Variants in TECRL observed in about 807,000 individuals in gnomAD.
TECRL encodes trans-2,3-enoyl-CoA reductase like.
In TECRL, 63 loss-of-function variants were observed where a neutral mutation model predicts 52.8. That is an observed-to-expected ratio of 1.19 (90% CI 0.97 to 1.47). The LOEUF (loss-of-function observed/expected upper bound fraction) is 1.47. Among genes scored for constraint, TECRL ranks in the 40% most tolerant of loss-of-function variants. The pLI is 0.00. For missense variants in TECRL, 482 were observed against 429.6 expected (o/e 1.12, Z -1.08); for synonymous variants, 164 against 141.9 (o/e 1.16, Z -1.10).
intron 1 of TECRL, among the ~76,000 whole-genome samples, chr4:64,396,448 C>T (rs1048419000): frequency 4.0e-5 from 6 of 151,622 alleles, no homozygotes; most frequent in Non-Finnish European, 8.8e-5. Flanking sequence ...TTTTCATATT[C>T]TTGTTGGTTA....
At chr4:64,384,530 G>A (rs1040161824) in intron 1 of TECRL, among the ~76,000 whole-genome samples, 3 of 152,146 alleles carry the variant, frequency 2.0e-5, no homozygotes, top group Admixed American at 6.5e-5. Context: ...ACTAGACAAT[G>A]TGTGCAGTCA....
At chr4:64,313,124 G>A (rs1033893562) in intron 5 of TECRL, among the ~76,000 whole-genome samples, 1 of 152,164 alleles carries the variant, frequency 6.6e-6, no homozygotes, top group Non-Finnish European at 1.5e-5. Flanking sequence ...ATCAGGACAA[G>A]AAAGGAGGTC....
chr4:64,366,632 A>C (rs1280420423), intron 2 of TECRL, among the ~76,000 whole-genome samples: 1 of 152,142 alleles, frequency 6.6e-6, no homozygotes. Context: ...AAGATGATAC[A>C]CATGCATATG....
intron 8 of TECRL, 105 bp downstream of exon 8, chr4:64,299,869 A>T: frequency 2.3e-6 from 1 of 441,776 alleles, no homozygotes; most frequent in Non-Finnish European, 4.0e-6. Flanking sequence ...ATATTATATA[A>T]ATATATATCA....
At chr4:64,344,485 G>C (rs917013399) in intron 2 of TECRL, among the ~76,000 whole-genome samples, 2 of 152,124 alleles carry the variant, frequency 1.3e-5, no homozygotes, top group Non-Finnish European at 2.9e-5. Flanking sequence ...AGCATCTGGA[G>C]TTATTTGCAT....
At chr4:64,371,361 A>T (rs1378892915) in intron 2 of TECRL, among the ~76,000 whole-genome samples, 3 of 150,972 alleles carry the variant, frequency 2.0e-5, no homozygotes, top group Admixed American at 6.6e-5. Context: ...ACATTTAATC[A>T]AAACCAAATA....
chr4:64,376,623 G>A (rs1437640139), intron 1 of TECRL, among the ~76,000 whole-genome samples: 2 of 152,006 alleles, frequency 1.3e-5, no homozygotes, highest in Middle Eastern at 3.4e-3. Flanking sequence ...CTCTGACAGA[G>A]TGGAGTAAAG....
At chr4:64,337,658 G>A (rs1719209900) in intron 2 of TECRL, among the ~76,000 whole-genome samples, 1 of 152,088 alleles carries the variant, frequency 6.6e-6, no homozygotes, top group Non-Finnish European at 1.5e-5. Flanking sequence ...GCCAAATCAT[G>A]AGTGAACTCC....
chr4:64,373,496 C>G (rs183665898), intron 2 of TECRL, among the ~76,000 whole-genome samples: 1 of 151,652 alleles, frequency 6.6e-6, no homozygotes, highest in African/African-American at 2.4e-5. Context: ...ATAGAAAACG[C>G]GTTCCTTTAA....
chr4:64,317,410 A>C (rs1315532103), intron 4 of TECRL, among the ~76,000 whole-genome samples: 1 of 152,234 alleles, frequency 6.6e-6, no homozygotes, highest in Non-Finnish European at 1.5e-5. Flanking sequence ...TCTTGAAAAA[A>C]AAAAATGAGT....
At chr4:64,360,188 A>G (rs912373289) in intron 2 of TECRL, among the ~76,000 whole-genome samples, 5 of 152,158 alleles carry the variant, frequency 3.3e-5, no homozygotes, top group Admixed American at 2.0e-4. Context: ...GTATTATCTC[A>G]GTATGTTTGC....
Position 64,409,169 on chromosome 4 carries a change from C to A in TECRL, c.183G>T (p.Glu61Asp), listed in dbSNP as rs765496405. 6 of 1,613,580 alleles carry A rather than the reference C, an allele frequency of 3.7e-6. No homozygotes were observed. The highest frequency in any genetic ancestry group is 3.3e-4 in the Middle Eastern group (2 of 5,980). ...AVKHSKTTHF[E>D]IEIFDAQTRK... ...TTGTTTGAGCATCAAATATTTCAAT[C>A]TCAAAGTGAGTCGTTTTTGAATGTT... The change falls in exon 1 of 12, where the codon GAG becomes GAT. Residue 61 changes from glutamate to aspartate, a missense_variant. Physicochemically the swap from Glu to Asp is conservative, Grantham distance 45 (BLOSUM62 2). Coordinates refer to ENST00000381210, the MANE Select transcript of TECRL (RefSeq NM_001010874.5).
In TECRL at chr4:64,343,171, C is replaced by G. The variant is rs577519694; in HGVS notation, c.287-14615G>C. Among the ~76,000 whole-genome samples, 372 of 152,120 alleles carry G rather than the reference C, an allele frequency of 2.4e-3. 3 individuals are homozygous for G. Among genetic ancestry groups the G allele is most frequent in the Non-Finnish European group, 3.1e-3 (213 of 67,926 alleles). ...TTAACAAAGATAAAGGGAAATTAGA[C>G]AAAATACATTTCTAAGACAGAGCAC... is the stretch of plus-strand genomic sequence containing the variant. On this transcript the variant is annotated intron_variant, in intron 2 of 11. Coordinates refer to ENST00000381210, the MANE Select transcript of TECRL (RefSeq NM_001010874.5).
chr4:64,312,630 G>A (rs1279767010), intron 5 of TECRL, among the ~76,000 whole-genome samples: 1 of 151,966 alleles, frequency 6.6e-6, no homozygotes, highest in African/African-American at 2.4e-5. Flanking sequence ...TGGTTGTGAT[G>A]GTGTGTACAC....
At chr4:64,280,346 C>A in intron 11 of TECRL, 147 bp from the exon 12 acceptor site, 2 of 585,398 alleles carry the variant, frequency 3.4e-6, no homozygotes, top group Non-Finnish European at 5.1e-6. Flanking sequence ...ATACCCATTC[C>A]CAAGCAATAG....
intron 1 of TECRL, among the ~76,000 whole-genome samples, chr4:64,393,511 T>C (rs1723698564): frequency 1.3e-5 from 2 of 152,042 alleles, no homozygotes; most frequent in South Asian, 4.1e-4. Context: ...AAATTCCTCC[T>C]TGTAAGAGGA....
At chr4:64,354,565 C>G (rs1720630771) in intron 2 of TECRL, among the ~76,000 whole-genome samples, 1 of 152,010 alleles carries the variant, frequency 6.6e-6, no homozygotes, top group African/African-American at 2.4e-5. Context: ...AGAGAATGAA[C>G]AAATTCGCTG....
At chr4:64,378,229 T>C (rs1232628842) in intron 1 of TECRL, among the ~76,000 whole-genome samples, 1 of 151,980 alleles carries the variant, frequency 6.6e-6, no homozygotes, top group Non-Finnish European at 1.5e-5. Flanking sequence ...TTAAGCTTGA[T>C]TAATTCAGGA....
At chr4:64,300,092 C>A in intron 7 of TECRL, 75 bp from the exon 8 acceptor site, 3 of 1,145,838 alleles carry the variant, frequency 2.6e-6, no homozygotes, top group Non-Finnish European at 1.2e-6. Flanking sequence ...ATAATTCAGG[C>A]AGTATTTATT....
Sources: gnomAD v4.1 joint callset for allele counts (sites outside exome capture counted in the v4.1 genomes callset) on GRCh38, gnomAD v4.1.1 for gene constraint, MANE v1.5 for transcripts, NCBI Gene and HGNC (gene_info 2026-07-23, HGNC 2026-07-21) for gene names.